The following BICC1 variants were observed in gnomAD, a reference collection of about 807,000 sequenced individuals.
BICC1 encodes protein bicaudal C homolog 1.
In BICC1, 43 loss-of-function variants were observed where a neutral mutation model predicts 111.0. That is an observed-to-expected ratio of 0.39 (90% CI 0.30 to 0.50). The LOEUF is 0.50. Ranked by LOEUF, BICC1 falls within the 20% of genes least tolerant of loss-of-function variation. The pLI is 0.88. For missense variants in BICC1, 1,091 were observed against 1,203.2 expected (o/e 0.91, Z 1.38); for synonymous variants, 467 against 434.4 (o/e 1.07, Z -0.93).
chr10:58,537,575 A>G (rs965341388), intron 1 of BICC1, among the ~76,000 whole-genome samples: 1 of 151,870 alleles, frequency 6.6e-6, no homozygotes. Flanking sequence ...GAATGGGAAC[A>G]AGACAAGGAT....
intron 3 of BICC1, among the ~76,000 whole-genome samples, chr10:58,774,970 A>G (rs996111423): frequency 2.0e-5 from 3 of 152,200 alleles, no homozygotes; most frequent in African/African-American, 7.2e-5. Context: ...TAGAAAGGAT[A>G]GGACTAATTG....
intron 1 of BICC1, among the ~76,000 whole-genome samples, chr10:58,549,991 G>C (rs533693231): frequency 6.6e-6 from 1 of 151,868 alleles, no homozygotes; most frequent in Admixed American, 6.6e-5. Flanking sequence ...GCCCAGCTTA[G>C]TTTCAAGAAT....
chr10:58,785,735 G>GCAA (rs1842992580), intron 4 of BICC1, among the ~76,000 whole-genome samples: 1 of 152,124 alleles, frequency 6.6e-6, no homozygotes, highest in South Asian at 2.1e-4. Flanking sequence ...TAATTTGTTT[G>GCAA]ATCCTCGTAA....
intron 19 of BICC1, among the ~76,000 whole-genome samples, chr10:58,819,357 G>A (rs550538035): frequency 5.9e-5 from 9 of 152,160 alleles, no homozygotes; most frequent in Admixed American, 5.9e-4. Flanking sequence ...ATCAAAACAG[G>A]ACAATTTAAA....
chr10:58,564,403 C>G (rs1379879222), intron 1 of BICC1, among the ~76,000 whole-genome samples: 1 of 152,152 alleles, frequency 6.6e-6, no homozygotes, highest in Non-Finnish European at 1.5e-5. Flanking sequence ...TCTCAAATAT[C>G]AGCAGTATAT....
At chr10:58,561,889 G>T (rs1224769860) in intron 1 of BICC1, among the ~76,000 whole-genome samples, 1 of 151,980 alleles carries the variant, frequency 6.6e-6, no homozygotes, top group African/African-American at 2.4e-5. Flanking sequence ...GAATATTTTT[G>T]CTGGGTACAG....
rs1360946361 is a variant in BICC1 at position 58,811,575 on chromosome 10, A to G, written c.2377-2255A>G. On this transcript the variant is annotated intron_variant, in intron 17 of 20. Transcript: ENST00000373886. ...GAAAGGAGTCCTTGAGATTAATTCA[A>G]TAATTCCACAAATACTAAGCACCTT... Among the ~76,000 whole-genome samples, 7 of 151,996 alleles carry G rather than the reference A, an allele frequency of 4.6e-5. No individual in the cohort carries two copies. In the South Asian group the frequency reaches 1.0e-3, roughly 23 times the overall value.
intron 1 of BICC1, among the ~76,000 whole-genome samples, chr10:58,568,031 A>G (rs1370595983): frequency 1.3e-5 from 2 of 152,144 alleles, no homozygotes; most frequent in Non-Finnish European, 2.9e-5. Flanking sequence ...TGGAGTGATC[A>G]TTTTGCAGTC....
At chr10:58,513,354 C>G in intron 1 of BICC1, 21 bp downstream of exon 1, 2 of 1,578,720 alleles carry the variant, frequency 1.3e-6, no homozygotes, top group Non-Finnish European at 1.7e-6. Flanking sequence ...CTCGTGTTCT[C>G]GGACTCTCCG....
In BICC1 at chr10:58,788,392, C is replaced by G; in HGVS notation, c.569C>G (p.Ala190Gly). 1 of 1,611,150 alleles carries G rather than the reference C, an allele frequency of 6.2e-7. No homozygotes were observed. The highest frequency in any genetic ancestry group is 8.5e-7 in the Non-Finnish European group (1 of 1,177,526). ...SNQVSIAGQP[A>G]GVESARVRIR... ...TAGGTATCTATAGCGGGACAACCAG[C>G]AGGAGTAGAATCTGCCCGAGTTAGA... The change falls in exon 6 of 21, where the codon GCA becomes GGA. Residue 190 changes from alanine (A) to glycine (G), a missense_variant. Physicochemically the swap from Ala to Gly is moderately conservative, Grantham distance 60 (BLOSUM62 0). Around this residue, in one of 3 missense-constraint regions of BICC1, gnomAD observed 843 missense variants for 900.8 expected, o/e 0.94. Coordinates refer to ENST00000373886, the MANE Select transcript of BICC1 (RefSeq NM_001080512.3).
intron 3 of BICC1, among the ~76,000 whole-genome samples, chr10:58,780,096 C>T (rs1232357166): frequency 4.6e-5 from 7 of 152,124 alleles, no homozygotes; most frequent in Middle Eastern, 3.2e-3. Context: ...AGGTAATGCC[C>T]GTCTTGATTA....
chr10:58,714,642 CA>C (rs558669637), intron 3 of BICC1, among the ~76,000 whole-genome samples: 11 of 152,184 alleles, frequency 7.2e-5, no homozygotes, highest in African/African-American at 2.6e-4. Context: ...TTGAACACCA[CA>C]ATGGTGCTGT....
intron 1 of BICC1, among the ~76,000 whole-genome samples, chr10:58,587,646 T>G (rs1056676176): frequency 3.3e-5 from 5 of 152,168 alleles, no homozygotes; most frequent in African/African-American, 1.2e-4. Context: ...GAACTTTAAC[T>G]GGCCAGCTTT....
At chr10:58,658,960 G>A (rs1201893765) in intron 2 of BICC1, among the ~76,000 whole-genome samples, 1 of 150,038 alleles carries the variant, frequency 6.7e-6, no homozygotes, top group Non-Finnish European at 1.5e-5. Context: ...CCAGCAGATA[G>A]AACTAGGACA....
intron 3 of BICC1, among the ~76,000 whole-genome samples, chr10:58,716,656 C>G (rs1589055156): frequency 1.3e-5 from 2 of 152,028 alleles, no homozygotes; most frequent in African/African-American, 4.8e-5. Context: ...CCAGATGACT[C>G]TAGTTAAAAT....
chr10:58,629,549 A>G (rs1161954808), intron 2 of BICC1, among the ~76,000 whole-genome samples: 1 of 152,186 alleles, frequency 6.6e-6, no homozygotes, highest in Admixed American at 6.5e-5. Context: ...TAGAGGGACA[A>G]CCAAAAGGCT....
chr10:58,769,408 A>G (rs568855464), intron 3 of BICC1, among the ~76,000 whole-genome samples: 66 of 140,374 alleles, frequency 4.7e-4, no homozygotes, highest in East Asian at 1.3e-3. Context: ...GTGTGTGTAT[A>G]TATATATATA....
intron 2 of BICC1, among the ~76,000 whole-genome samples, chr10:58,647,873 G>C (rs1343783366): frequency 6.6e-6 from 1 of 152,136 alleles, no homozygotes. Context: ...TCAGTGTTTA[G>C]CTGTGACCAG....
chr10:58,575,392 C>A lies in BICC1; in HGVS notation c.191-45463C>A, dbSNP rs141590333. On this transcript the variant is annotated intron_variant, in intron 1 of 20. Coordinates refer to ENST00000373886, the MANE Select transcript of BICC1 (RefSeq NM_001080512.3). ...CCATTGTGTTATTTGGTCCTAATTG[C>A]CAGCCCTGAGAAGTCATTACTATCT... Among the ~76,000 whole-genome samples, 41 of 152,224 alleles carry A rather than the reference C, an allele frequency of 2.7e-4. 1 individual carries two copies. The East Asian group carries it at 7.7e-3, about 29-fold the overall frequency.
Sources: allele counts gnomAD v4.1 joint callset (sites outside exome capture counted in the v4.1 genomes callset), GRCh38; gene constraint gnomAD v4.1.1; regional missense constraint gnomAD v4.1.1; transcripts MANE v1.5; gene names NCBI Gene and HGNC (gene_info 2026-07-23, HGNC 2026-07-21).